Variants in KIF26B observed in about 807,000 individuals in gnomAD.
KIF26B encodes kinesin family member 26B, also known as kinesin-like protein KIF26B.
KIF26B carries 63 observed loss-of-function variants against 151.2 expected under a neutral mutation model. The observed-to-expected ratio is 0.42, with a 90% CI of 0.34 to 0.51. The LOEUF is 0.51. KIF26B is among the 20% of genes least tolerant of loss of function. The pLI is 0.07. For missense variants in KIF26B, 2,813 were observed against 2,913.6 expected, an observed-to-expected ratio of 0.97 and a Z score of 0.79; for synonymous variants, 1,357 against 1,262.1, an observed-to-expected ratio of 1.08 and a Z score of -1.59.
intron 9 of KIF26B, among the ~76,000 whole-genome samples, chr1:245,628,196 G>T (rs140529230): frequency 1.3e-5 from 2 of 152,050 alleles, no homozygotes; most frequent in African/African-American, 2.4e-5. Context: ...AAACTTGGCC[G>T]GGCACGGTGG....
At chr1:245,283,309 C>A (rs1426163734) in intron 2 of KIF26B, among the ~76,000 whole-genome samples, 1 of 152,118 alleles carries the variant, frequency 6.6e-6, no homozygotes. Flanking sequence ...TCCGCGCAAG[C>A]CCAACCACCT....
chr1:245,219,296 G>A (rs543774929), intron 2 of KIF26B, among the ~76,000 whole-genome samples: 6 of 151,778 alleles, frequency 4.0e-5, no homozygotes, highest in East Asian at 2.0e-4. Context: ...CCGCCACCAC[G>A]CGCAGCTAAT....
intron 3 of KIF26B, among the ~76,000 whole-genome samples, chr1:245,370,365 T>TTGCCATTGAAAGTAATGACAA (rs1256421073): frequency 6.6e-6 from 1 of 152,048 alleles, no homozygotes; most frequent in Non-Finnish European, 1.5e-5. Context: ...ATTGCGGTTT[T>TTGCCATTGAAAGTAATGACAA]TGTCATTACT....
At chr1:245,679,986 C>T (rs893425276) in intron 10 of KIF26B, among the ~76,000 whole-genome samples, 3 of 152,172 alleles carry the variant, frequency 2.0e-5, no homozygotes, top group African/African-American at 7.2e-5. Flanking sequence ...ATCCCTCCCG[C>T]CTGGCTCTGG....
chr1:245,323,873 G>A (rs1671932293), intron 2 of KIF26B, among the ~76,000 whole-genome samples: 1 of 152,096 alleles, frequency 6.6e-6, no homozygotes, highest in African/African-American at 2.4e-5. Context: ...ACCCTGCCGT[G>A]GGTGGATGGA....
chr1:245,581,940 G>GGAAA (rs1442793730), intron 5 of KIF26B, among the ~76,000 whole-genome samples: 1 of 151,432 alleles, frequency 6.6e-6, no homozygotes, highest in East Asian at 1.9e-4. Context: ...AAGGAAGGAA[G>GGAAA]GAAGGAAGGA....
At chr1:245,369,280 C>T (rs116471315) in intron 3 of KIF26B, among the ~76,000 whole-genome samples, 1,980 of 152,234 alleles carry the variant, frequency 0.013, 38 homozygotes, top group African/African-American at 0.045. Flanking sequence ...CCCGTGAGCC[C>T]AGGAGAAAAA....
At chr1:245,484,746 CTCTTCT>C (rs150455383) in intron 4 of KIF26B, among the ~76,000 whole-genome samples, 27,622 of 144,316 alleles carry the variant, frequency 0.19, 2,748 homozygotes, top group East Asian at 0.25. Context: ...TCTCCTCTTC[CTCTTCT>C]TCTTCTTCTT....
chr1:245,508,322 G>A (rs1193258958), intron 4 of KIF26B, among the ~76,000 whole-genome samples: 1 of 152,100 alleles, frequency 6.6e-6, no homozygotes. Flanking sequence ...CTCACTGCAA[G>A]CTCCGCCTCC....
chr1:245,190,096 A>G (rs1451631186), intron 2 of KIF26B, among the ~76,000 whole-genome samples: 1 of 152,194 alleles, frequency 6.6e-6, no homozygotes. Context: ...CTATGAAACC[A>G]TCAGATCTCG....
At chr1:245,312,645 T>C (rs1209899691) in intron 2 of KIF26B, among the ~76,000 whole-genome samples, 1 of 152,160 alleles carries the variant, frequency 6.6e-6, no homozygotes, top group Non-Finnish European at 1.5e-5. Flanking sequence ...GTAGCAAGTG[T>C]TGCTTCCCCT....
intron 2 of KIF26B, among the ~76,000 whole-genome samples, chr1:245,213,186 A>G (rs1669578215): frequency 6.6e-6 from 1 of 152,198 alleles, no homozygotes; most frequent in Admixed American, 6.5e-5. Context: ...GAGGAAATTA[A>G]CTAGGCCCTA....
At chr1:245,276,055 C>G (rs1380277973) in intron 2 of KIF26B, among the ~76,000 whole-genome samples, 1 of 152,128 alleles carries the variant, frequency 6.6e-6, no homozygotes, top group African/African-American at 2.4e-5. Context: ...TAAAAATTCT[C>G]CCTGGGCCAA....
intron 2 of KIF26B, among the ~76,000 whole-genome samples, chr1:245,343,170 A>G (rs902077132): frequency 6.6e-6 from 1 of 151,932 alleles, no homozygotes; most frequent in Non-Finnish European, 1.5e-5. Context: ...TGTCTTCACT[A>G]TAAGTTTGTT....
chr1:245,265,088 G>C (rs1670719797), intron 2 of KIF26B, among the ~76,000 whole-genome samples: 1 of 151,910 alleles, frequency 6.6e-6, no homozygotes, highest in African/African-American at 2.4e-5. Flanking sequence ...TGTAGTCCCA[G>C]GTACTCGGGA....
chr1:245,325,310 G>A (rs1029354501), intron 2 of KIF26B, among the ~76,000 whole-genome samples: 2 of 152,058 alleles, frequency 1.3e-5, no homozygotes, highest in African/African-American at 4.8e-5. Context: ...GCTATGTGTG[G>A]CATTTGTTCT....
chr1:245,686,017 G>A lies in KIF26B; in HGVS notation c.3034G>A (p.Ala1012Thr). The change falls in exon 12 of 15, where the codon GCA becomes ACA. Residue 1012 changes from alanine (A) to threonine (T), a missense_variant. Around this residue, in one of 3 missense-constraint regions of KIF26B, gnomAD observed 2,060 missense variants for 2,088.6 expected, o/e 0.99. Transcript: ENST00000407071. The surrounding 1 kb of genome is among the most constrained non-coding windows in gnomAD (Gnocchi z 5.6). ...QRSHSPVPAA[A>T]PAHSPSPASP... is the part of the protein sequence containing the mutation. ...GAGTCACTCACCTGTGCCCGCCGCG[G>A]CACCCGCCCACAGCCCCAGCCCGGC... 6.3e-7 allele frequency: 1 copy of A among 1,591,672 alleles called. No individual in the cohort carries two copies. Among genetic ancestry groups the A allele is most frequent in the Non-Finnish European group, 8.5e-7 (1 of 1,170,182 alleles).
At chr1:245,219,949 T>C (rs1669731171) in intron 2 of KIF26B, among the ~76,000 whole-genome samples, 1 of 152,096 alleles carries the variant, frequency 6.6e-6, no homozygotes, top group Non-Finnish European at 1.5e-5. Flanking sequence ...AATTCCACCT[T>C]ATTTGACTTC....
At chr1:245,442,733 T>TGAGAG in intron 4 of KIF26B, among the ~76,000 whole-genome samples, 1 of 117,364 alleles carries the variant, frequency 8.5e-6, no homozygotes, top group East Asian at 2.4e-4. Flanking sequence ...CACCTAGAGC[T>TGAGAG]GTCATCTCCC....
Sources: gnomAD v4.1 joint callset for allele counts (sites outside exome capture counted in the v4.1 genomes callset) on GRCh38, gnomAD v4.1.1 for gene constraint, gnomAD v4.1.1 regional missense constraint, Gnocchi (gnomAD v3.1) non-coding constraint, MANE v1.5 for transcripts, NCBI Gene and HGNC (gene_info 2026-07-23, HGNC 2026-07-21) for gene names.